FAT3: variants seen among roughly 807,000 people sequenced by gnomAD.
FAT3 encodes FAT atypical cadherin 3, also known as protocadherin Fat 3.
A neutral mutation model predicts 310.2 loss-of-function variants in FAT3; 95 were observed. The observed-to-expected ratio is 0.31, with a 90% confidence interval of 0.26 to 0.36. The LOEUF (loss-of-function observed/expected upper bound fraction) is 0.36, where lower values mean the gene tolerates loss of function less well. Ranked by LOEUF, FAT3 falls within the 10% of genes least tolerant of loss-of-function variation. The probability of loss-of-function intolerance (pLI) is 1.00; values close to 1 mark genes in which losing one functional copy is unlikely to be tolerated. For synonymous variants in FAT3, 2,314 were observed against 2,192.9 expected (o/e 1.06, Z -1.54); for missense variants, 5,408 against 5,715.6 (o/e 0.95, Z 1.74).
intron 3 of FAT3, among the ~76,000 whole-genome samples, chr11:92,626,761 G>A (rs965872968): frequency 3.9e-5 from 6 of 152,158 alleles, no homozygotes; most frequent in African/African-American, 1.4e-4. Flanking sequence ...TAGAGTAAGT[G>A]AGATGGCTGT....
At chr11:92,755,138 G>A (rs1017776009) in intron 4 of FAT3, among the ~76,000 whole-genome samples, 1 of 152,254 alleles carries the variant, frequency 6.6e-6, no homozygotes, top group East Asian at 1.9e-4. Context: ...AGTTGAAGAG[G>A]TCTGTTTTAC....
At chr11:92,770,748 C>T (rs555841543) in intron 6 of FAT3, among the ~76,000 whole-genome samples, 12 of 152,148 alleles carry the variant, frequency 7.9e-5, no homozygotes, top group African/African-American at 2.2e-4. Flanking sequence ...GGTGTCTTTA[C>T]GGAGGGACAG....
At chr11:92,422,415 G>A (rs1950550760) in intron 2 of FAT3, among the ~76,000 whole-genome samples, 1 of 152,160 alleles carries the variant, frequency 6.6e-6, no homozygotes, top group Non-Finnish European at 1.5e-5. Flanking sequence ...AAAAGTGCTT[G>A]TGTTGAACTT....
chr11:92,577,562 G>A (rs1938551912), intron 3 of FAT3, among the ~76,000 whole-genome samples: 1 of 152,078 alleles, frequency 6.6e-6, no homozygotes, highest in South Asian at 2.1e-4. Context: ...TCATTTATTT[G>A]TGGGAAAACA....
At chr11:92,453,811 C>G (rs572380261) in intron 2 of FAT3, among the ~76,000 whole-genome samples, 2 of 152,018 alleles carry the variant, frequency 1.3e-5, no homozygotes, top group African/African-American at 4.8e-5. Context: ...ATAAGAAAAA[C>G]GCAGTGTTGT....
intron 2 of FAT3, among the ~76,000 whole-genome samples, chr11:92,412,730 T>TATATATATATACATACAC (rs1565296304): frequency 4.4e-5 from 1 of 22,886 alleles, no homozygotes; most frequent in African/African-American, 9.6e-5. Context: ...TATATATATA[T>TATATATATATACATACAC]ATATATATAT....
intron 3 of FAT3, among the ~76,000 whole-genome samples, chr11:92,588,333 A>AT (rs948437765): frequency 2.6e-5 from 4 of 151,006 alleles, no homozygotes; most frequent in South Asian, 4.2e-4. Context: ...GCAGAGATGA[A>AT]TTTTTTTTTC....
At chr11:92,388,917 A>G (rs1205950826) in intron 2 of FAT3, among the ~76,000 whole-genome samples, 1 of 151,956 alleles carries the variant, frequency 6.6e-6, no homozygotes, top group Non-Finnish European at 1.5e-5. Flanking sequence ...CTTTCTTTCC[A>G]TTTTATCTGT....
At chr11:92,826,903 T>A (rs1157915396) in intron 13 of FAT3, among the ~76,000 whole-genome samples, 1 of 152,162 alleles carries the variant, frequency 6.6e-6, no homozygotes, top group Admixed American at 6.5e-5. Context: ...AGGCAGAACA[T>A]AGCTCTTTCT....
chr11:92,397,758 T>TC (rs1233785581), intron 2 of FAT3, among the ~76,000 whole-genome samples: 1 of 150,582 alleles, frequency 6.6e-6, no homozygotes, highest in East Asian at 1.9e-4. Context: ...TCCCAGAATT[T>TC]TTTTTTTTTT....
chr11:92,855,980 C>CT (rs58995060), intron 19 of FAT3, among the ~76,000 whole-genome samples: 86,594 of 129,174 alleles, frequency 0.67, 30,004 homozygotes, highest in South Asian at 0.85. Context: ...GGACAATATG[C>CT]TTTTTTTTTT....
chr11:92,854,468 C>A (rs1398905409), intron 19 of FAT3, among the ~76,000 whole-genome samples: 1 of 152,204 alleles, frequency 6.6e-6, no homozygotes. Context: ...GCCTTCCCTG[C>A]TGCAGCTGGC....
At chr11:92,395,192 T>G (rs1565282962) in intron 2 of FAT3, among the ~76,000 whole-genome samples, 1 of 152,240 alleles carries the variant, frequency 6.6e-6, no homozygotes, top group South Asian at 2.1e-4. Context: ...TTTACCAATT[T>G]CTCACTTTGT....
chr11:92,542,452 T>C (rs979347294), intron 3 of FAT3, among the ~76,000 whole-genome samples: 2 of 151,298 alleles, frequency 1.3e-5, no homozygotes, highest in Admixed American at 1.3e-4. Flanking sequence ...GGCTAATAAA[T>C]AGGGTATATT....
intron 1 of FAT3, among the ~76,000 whole-genome samples, chr11:92,345,250 A>G (rs1591141802): frequency 6.6e-6 from 1 of 152,042 alleles, no homozygotes; most frequent in East Asian, 1.9e-4. Flanking sequence ...AATTGATTCA[A>G]TTTTTACCAT....
intron 2 of FAT3, among the ~76,000 whole-genome samples, chr11:92,390,028 T>A (rs566520288): frequency 6.6e-4 from 101 of 152,006 alleles, no homozygotes; most frequent in African/African-American, 2.3e-3. Flanking sequence ...GTTTTTTTTT[T>A]AAACTTTCAA....
chr11:92,232,878 G>C (rs1316989396), intron 1 of FAT3, among the ~76,000 whole-genome samples: 3 of 151,860 alleles, frequency 2.0e-5, no homozygotes, highest in Non-Finnish European at 1.5e-5. Flanking sequence ...ATAACTACTA[G>C]CTTTATATTA....
rs906319856 is a variant in FAT3 at position 92,262,990 on chromosome 11, C to CT, written c.-18+37827dup. On this transcript the variant is annotated intron_variant, in intron 1 of 27. Coordinates refer to ENST00000525166, the MANE Select transcript of FAT3 (RefSeq NM_001367949.2). ...TCATAATAATCTTTCAGTTTTCTCT[C>CT]TTTTTTTTTTTATTCCTCATTACTT... is the stretch of plus-strand genomic sequence containing the variant. 2.6e-3 allele frequency among the ~76,000 whole-genome samples: 379 copies of CT among 146,628 alleles called. 3 individuals carry two copies. Among genetic ancestry groups the CT allele is most frequent in the African/African-American group, 8.5e-3 (341 of 40,254 alleles).
At chr11:92,490,411 A>G (rs1044602906) in intron 2 of FAT3, among the ~76,000 whole-genome samples, 12 of 152,092 alleles carry the variant, frequency 7.9e-5, no homozygotes, top group African/African-American at 2.9e-4. Flanking sequence ...AGCTCTGGGA[A>G]CCTGGGTAGA....
Sources: allele counts gnomAD v4.1 joint callset (sites outside exome capture counted in the v4.1 genomes callset), GRCh38; gene constraint gnomAD v4.1.1; transcripts MANE v1.5; gene names NCBI Gene and HGNC (gene_info 2026-07-23, HGNC 2026-07-21).